Variants in SPOCK3 observed in about 807,000 individuals in gnomAD.
SPOCK3 encodes SPARC (osteonectin), cwcv and kazal like domains proteoglycan 3, also known as testican-3.
A neutral mutation model predicts 56.6 loss-of-function variants in SPOCK3; 30 were observed. That is an observed-to-expected ratio of 0.53 (90% CI 0.40 to 0.72). The LOEUF is 0.72. Ranked by LOEUF, SPOCK3 falls within the 30% of genes least tolerant of loss-of-function variation. The probability of loss-of-function intolerance (pLI) is 0.00; values close to 1 mark genes in which losing one functional copy is unlikely to be tolerated. For synonymous variants in SPOCK3, 196 were observed against 183.3 expected, an observed-to-expected ratio of 1.07 and a Z score of -0.56; for missense variants, 527 against 530.0, an observed-to-expected ratio of 0.99 and a Z score of 0.06.
intron 2 of SPOCK3, among the ~76,000 whole-genome samples, chr4:167,214,371 G>A (rs952563589): frequency 3.3e-5 from 5 of 151,982 alleles, no homozygotes; most frequent in Admixed American, 2.6e-4. Context: ...ATTCTCCAGA[G>A]TTGAATGCAT....
Position 166,765,286 on chromosome 4 carries a change from C to T in SPOCK3, c.710-10557G>A, listed in dbSNP as rs1737849169. Reference sequence around the variant, plus strand: ...CATGCCTATGTCCTGAATGGTATTGCCTAGGTTTTCTTCTAGGGTTTTTAT... The same window carrying T: ...CATGCCTATGTCCTGAATGGTATTGTCTAGGTTTTCTTCTAGGGTTTTTAT... On this transcript the variant is annotated intron_variant, in intron 7 of 10. Transcript: ENST00000357545. Among the ~76,000 whole-genome samples the T allele has an allele frequency of 2.6e-5, 4 of 152,256 alleles. No individual in the cohort carries two copies. The South Asian group carries it at 8.3e-4, about 32-fold the overall frequency.
At chr4:167,155,840 G>A (rs1374910907) in intron 2 of SPOCK3, among the ~76,000 whole-genome samples, 3 of 152,086 alleles carry the variant, frequency 2.0e-5, no homozygotes, top group African/African-American at 7.2e-5. Flanking sequence ...TCAAAGGGGA[G>A]GGAGAGCATT....
rs186665502 is a variant in SPOCK3, at chr4:166,789,652, T to A, written c.709+2518A>T. Among the ~76,000 whole-genome samples, 377 of 152,278 alleles carry A rather than the reference T, an allele frequency of 2.5e-3. 3 individuals carry two copies. The highest frequency in any genetic ancestry group is 8.7e-3 in the African/African-American group (363 of 41,544). On this transcript the variant is annotated intron_variant, in intron 7 of 10. Transcript: ENST00000357545. Reference sequence around the variant, plus strand: ...CATTAATATCAGATAAGTTGAAAACTGTGCTTTTTAGTTCCCCCTATTTTT... The same window carrying A: ...CATTAATATCAGATAAGTTGAAAACAGTGCTTTTTAGTTCCCCCTATTTTT...
chr4:166,770,020 C>T (rs2100538), intron 7 of SPOCK3, among the ~76,000 whole-genome samples: 50,225 of 152,066 alleles, frequency 0.33, 8,479 homozygotes, highest in Admixed American at 0.42. Flanking sequence ...GTGTGCCGTT[C>T]GCTAAGACCG....
intron 4 of SPOCK3, among the ~76,000 whole-genome samples, chr4:166,935,143 C>T (rs1740257536): frequency 6.6e-6 from 1 of 152,108 alleles, no homozygotes; most frequent in Non-Finnish European, 1.5e-5. Context: ...AGTCAATCCA[C>T]CATGGGGCTT....
intron 5 of SPOCK3, among the ~76,000 whole-genome samples, chr4:166,905,152 A>G (rs1016003195): frequency 2.6e-5 from 4 of 152,026 alleles, no homozygotes; most frequent in African/African-American, 9.7e-5. Context: ...TGATATTATT[A>G]TACAGTTATT....
chr4:167,161,496 T>A (rs1332618327), intron 2 of SPOCK3, among the ~76,000 whole-genome samples: 1 of 152,128 alleles, frequency 6.6e-6, no homozygotes, highest in Admixed American at 6.6e-5. Flanking sequence ...TCCTCAGGGA[T>A]CTAGAACTAG....
intron 7 of SPOCK3, among the ~76,000 whole-genome samples, chr4:166,769,344 G>A (rs1738600605): frequency 7.1e-6 from 1 of 139,884 alleles, no homozygotes; most frequent in Non-Finnish European, 1.6e-5. Flanking sequence ...TTTGATGATG[G>A]TGACGTACAG....
chr4:167,157,893 A>G (rs1484996204), intron 2 of SPOCK3, among the ~76,000 whole-genome samples: 1 of 151,996 alleles, frequency 6.6e-6, no homozygotes, highest in Non-Finnish European at 1.5e-5. Context: ...AAGTAATGAA[A>G]GTAATAGGGT....
At chr4:166,905,398 G>A (rs935850894) in intron 5 of SPOCK3, among the ~76,000 whole-genome samples, 3 of 151,934 alleles carry the variant, frequency 2.0e-5, no homozygotes, top group South Asian at 2.1e-4. Context: ...CTGAATATAT[G>A]TGGTGTTAGT....
intron 2 of SPOCK3, among the ~76,000 whole-genome samples, chr4:167,116,887 A>G (rs1163478344): frequency 8.0e-6 from 1 of 124,942 alleles, no homozygotes; most frequent in East Asian, 2.2e-4. Context: ...TTGTATATAT[A>G]CATATATACT....
intron 2 of SPOCK3, among the ~76,000 whole-genome samples, chr4:167,222,212 T>A (rs1735990632): frequency 6.6e-6 from 1 of 152,128 alleles, no homozygotes; most frequent in Admixed American, 6.6e-5. Flanking sequence ...AATAGACAAA[T>A]ACTGTTGTTC....
At chr4:167,132,000 TA>T (rs964627262) in intron 2 of SPOCK3, among the ~76,000 whole-genome samples, 2 of 152,226 alleles carry the variant, frequency 1.3e-5, no homozygotes, top group Admixed American at 6.5e-5. Context: ...GTTACTTTTT[TA>T]TCTAGCATCT....
At chr4:167,059,342 G>T (rs1158952917) in intron 3 of SPOCK3, among the ~76,000 whole-genome samples, 1 of 152,006 alleles carries the variant, frequency 6.6e-6, no homozygotes, top group Admixed American at 6.6e-5. Context: ...GTGGGCAAAG[G>T]ACATGAACAG....
intron 6 of SPOCK3, among the ~76,000 whole-genome samples, chr4:166,853,656 G>C (rs1730367069): frequency 6.6e-6 from 1 of 152,200 alleles, no homozygotes; most frequent in Admixed American, 6.5e-5. Context: ...GCAGAGGTAG[G>C]TGGATCACTT....
intron 6 of SPOCK3, among the ~76,000 whole-genome samples, chr4:166,818,073 G>A (rs1461976207): frequency 1.3e-5 from 2 of 152,026 alleles, no homozygotes; most frequent in African/African-American, 4.8e-5. Flanking sequence ...ACTTTTGTCA[G>A]ATAACTGTTT....
chr4:167,169,216 T>C (rs779440639), intron 2 of SPOCK3, among the ~76,000 whole-genome samples: 2 of 152,168 alleles, frequency 1.3e-5, no homozygotes, highest in African/African-American at 2.4e-5. Context: ...TGTGAGAAGA[T>C]GGCCACTATC....
chr4:167,230,374 T>C (rs1022080660), intron 2 of SPOCK3, among the ~76,000 whole-genome samples: 2 of 151,806 alleles, frequency 1.3e-5, no homozygotes, highest in Admixed American at 6.6e-5. Context: ...TCTCCTAATA[T>C]ATTCACAAGA....
chr4:167,216,265 A>G (rs1170482654), intron 2 of SPOCK3, among the ~76,000 whole-genome samples: 1 of 152,144 alleles, frequency 6.6e-6, no homozygotes, highest in African/African-American at 2.4e-5. Context: ...CCGTTTACAG[A>G]TTTTTGGAAG....
Sources: gnomAD v4.1 joint callset for allele counts (sites outside exome capture counted in the v4.1 genomes callset) on GRCh38, gnomAD v4.1.1 for gene constraint, MANE v1.5 for transcripts, NCBI Gene and HGNC (gene_info 2026-07-23, HGNC 2026-07-21) for gene names.